Variants in GPBP1 observed in about 807,000 individuals in gnomAD.
The protein encoded by GPBP1 is vasculin.
GPBP1 carries 13 observed loss-of-function variants against 56.5 expected under a neutral mutation model. That is an observed-to-expected ratio of 0.23 (90% CI 0.15 to 0.37). The LOEUF (loss-of-function observed/expected upper bound fraction) is 0.37, where lower values mean the gene tolerates loss of function less well. Among genes scored for constraint, GPBP1 ranks in the 10% least tolerant of loss-of-function variants. GPBP1 has a pLI of 1.00. For missense variants in GPBP1, 477 were observed against 572.3 expected (o/e 0.83, Z 1.70); for synonymous variants, 204 against 188.9 (o/e 1.08, Z -0.66).
chr5:57,239,335 A>C (rs1283005053), intron 6 of GPBP1, among the ~76,000 whole-genome samples: 1 of 152,208 alleles, frequency 6.6e-6, no homozygotes, highest in Non-Finnish European at 1.5e-5. Flanking sequence ...TTCTTTAAGC[A>C]TGTTCTTTAT....
intron 2 of GPBP1, 53 bp from the exon 3 acceptor site, chr5:57,214,010 ATATAAAGGCGC>A (rs1223760850): frequency 1.4e-6 from 1 of 721,290 alleles, no homozygotes; most frequent in African/African-American, 1.8e-5. Context: ...GATCATTGTA[ATATAAAGGCGC>A]TAATTTTTGG....
At chr5:57,216,179 G>C (rs767261063) in intron 3 of GPBP1, among the ~76,000 whole-genome samples, 3 of 152,152 alleles carry the variant, frequency 2.0e-5, no homozygotes, top group Non-Finnish European at 4.4e-5. Flanking sequence ...CAGAGTTCTC[G>C]ACTGTAGTTA....
intron 3 of GPBP1, among the ~76,000 whole-genome samples, chr5:57,219,043 G>A (rs1291304934): frequency 6.6e-6 from 1 of 151,964 alleles, no homozygotes; most frequent in Admixed American, 6.6e-5. Flanking sequence ...GACTCATTTT[G>A]GAATTCTGTA....
rs1741954024 is a variant in GPBP1, at chr5:57,262,693, A to G, written c.1363A>G (p.Thr455Ala). 1 of 1,613,782 alleles carries G rather than the reference A, an allele frequency of 6.2e-7. No homozygotes were observed. Among genetic ancestry groups the G allele is most frequent in the South Asian group, 1.1e-5 (1 of 91,078 alleles). The change falls in exon 12 of 12, where the codon ACT becomes GCT. Residue 455 changes from threonine (T) to alanine (A), a missense_variant. Physicochemically the swap from Thr to Ala is moderately conservative, Grantham distance 58. Coordinates refer to ENST00000506184, the MANE Select transcript of GPBP1 (RefSeq NM_022913.4). ...PWKNSTFKPT[T>A]ENDDTETSSS... ...GAAGAACAGCACTTTCAAACCCACA[A>G]CTGAGAATGATGACACAGAGACAAG...
At chr5:57,190,172 G>GT (rs1292751980) in intron 2 of GPBP1, among the ~76,000 whole-genome samples, 1 of 66,308 alleles carries the variant, frequency 1.5e-5, no homozygotes. Context: ...CTTTTTTTTA[G>GT]GGGGGGGATT....
At chr5:57,181,539 T>C (rs1378379506) in intron 2 of GPBP1, among the ~76,000 whole-genome samples, 2 of 148,486 alleles carry the variant, frequency 1.3e-5, no homozygotes, top group Non-Finnish European at 1.5e-5. Context: ...TTTGGGAGCC[T>C]GAGGCACGAG....
chr5:57,263,446 T>C lies in GPBP1; in HGVS notation c.*694T>C, dbSNP rs998255917. On this transcript the variant is annotated 3_prime_UTR_variant, in exon 12 of 12. Transcript: ENST00000506184. ...TTTTCAAAAGCTTTATTGGGGTATG[T>C]TGTCAGACCAGGGTTTTCAGAGTTG... 1 of 152,210 alleles carries C rather than the reference T, an allele frequency of 6.6e-6. No homozygotes were observed. Among genetic ancestry groups the C allele is most frequent in the Non-Finnish European group, 1.5e-5 (1 of 68,026 alleles). 9.4% of individuals were successfully genotyped at this position (152,210 alleles called of 1,614,324 possible). A position where few individuals can be genotyped will look rare whatever the true frequency, so the allele number is the denominator to read the frequency against.
chr5:57,252,459 T>C (rs1741441994), intron 10 of GPBP1, among the ~76,000 whole-genome samples: 1 of 152,008 alleles, frequency 6.6e-6, no homozygotes, highest in African/African-American at 2.4e-5. Context: ...GGTGCGGTAT[T>C]AGCTCACTGT....
intron 3 of GPBP1, among the ~76,000 whole-genome samples, chr5:57,217,402 G>A (rs1183967058): frequency 5.9e-5 from 9 of 151,964 alleles, no homozygotes; most frequent in Non-Finnish European, 8.8e-5. Context: ...GAGAAACCCC[G>A]TCTCTACTAA....
At chr5:57,198,544 T>C (rs980005136) in intron 2 of GPBP1, among the ~76,000 whole-genome samples, 1 of 152,142 alleles carries the variant, frequency 6.6e-6, no homozygotes, top group Non-Finnish European at 1.5e-5. Context: ...TTCTTAGTTT[T>C]CTATAGTTCT....
intron 3 of GPBP1, among the ~76,000 whole-genome samples, chr5:57,216,324 C>G (rs1412653133): frequency 6.6e-6 from 1 of 152,098 alleles, no homozygotes; most frequent in Non-Finnish European, 1.5e-5. Flanking sequence ...TTACAGCTGC[C>G]CAGATTGGAT....
intron 3 of GPBP1, among the ~76,000 whole-genome samples, chr5:57,223,761 T>TA (rs1491300470): frequency 6.7e-6 from 1 of 149,760 alleles, no homozygotes; most frequent in African/African-American, 2.4e-5. Flanking sequence ...ACATTTTAGT[T>TA]ATATATATAT....
At chr5:57,212,191 G>C (rs979230510) in intron 2 of GPBP1, among the ~76,000 whole-genome samples, 1 of 152,086 alleles carries the variant, frequency 6.6e-6, no homozygotes, top group African/African-American at 2.4e-5. Flanking sequence ...GCCTCCCAAA[G>C]TGTTGGGATT....
intron 2 of GPBP1, among the ~76,000 whole-genome samples, chr5:57,207,610 AGGACAGAG>A (rs796903437): frequency 6.6e-6 from 1 of 152,324 alleles, no homozygotes; most frequent in African/African-American, 2.4e-5. Flanking sequence ...CCTTATCGCA[AGGACAGAG>A]GGCTTTTTTG....
At chr5:57,256,986 A>T (rs917781767) in intron 10 of GPBP1, among the ~76,000 whole-genome samples, 8 of 151,988 alleles carry the variant, frequency 5.3e-5, no homozygotes, top group Admixed American at 2.0e-4. Context: ...TATACATATA[A>T]ATACTCATAT....
At chr5:57,212,711 A>G (rs1311073630) in intron 2 of GPBP1, among the ~76,000 whole-genome samples, 1 of 137,132 alleles carries the variant, frequency 7.3e-6, no homozygotes, top group African/African-American at 2.7e-5. Context: ...CTCTTGTTGC[A>G]CAGGCTGGAG....
rs1016994957 is a variant in GPBP1, at chr5:57,226,004, A to G, written c.64-4842A>G. ...CAACTGAGGCTCCAGTTACTTTGAG[A>G]CAGTGTTCATGTTTCTGAACTAAGC... On this transcript the variant is annotated intron_variant, in intron 3 of 11. Transcript: ENST00000506184. Among the ~76,000 whole-genome samples, 24 of 152,234 alleles carry G rather than the reference A, an allele frequency of 1.6e-4. 1 individual carries two copies. Among genetic ancestry groups the G allele is most frequent in the Admixed American group, 1.5e-3 (23 of 15,280 alleles).
At chr5:57,220,764 T>G (rs1755923956) in intron 3 of GPBP1, among the ~76,000 whole-genome samples, 1 of 152,100 alleles carries the variant, frequency 6.6e-6, no homozygotes, top group Admixed American at 6.6e-5. Flanking sequence ...CCCGCCCAAT[T>G]TGAACTCTTA....
chr5:57,228,659 AT>A (rs1756303405), intron 3 of GPBP1, among the ~76,000 whole-genome samples: 6 of 152,142 alleles, frequency 3.9e-5, no homozygotes, highest in African/African-American at 1.4e-4. Context: ...AGCGGGGGAA[AT>A]TTTTTTAAGG....
Sources: gnomAD v4.1 joint callset for allele counts (sites outside exome capture counted in the v4.1 genomes callset) on GRCh38, gnomAD v4.1.1 for gene constraint, MANE v1.5 for transcripts, NCBI Gene and HGNC (gene_info 2026-07-23, HGNC 2026-07-21) for gene names.